Variants in PTPRZ1 observed in about 807,000 individuals in gnomAD.
PTPRZ1 encodes receptor-type tyrosine-protein phosphatase zeta.
PTPRZ1 carries 82 observed loss-of-function variants against 214.1 expected under a neutral mutation model. The observed-to-expected ratio is 0.38, with a 90% confidence interval of 0.32 to 0.46. The LOEUF (loss-of-function observed/expected upper bound fraction) is 0.46. Ranked by LOEUF, PTPRZ1 falls within the 20% of genes least tolerant of loss-of-function variation. The pLI, the probability that PTPRZ1 is intolerant of heterozygous loss-of-function variation, is 1.00. For missense variants in PTPRZ1, 2,603 were observed against 2,748.7 expected (o/e 0.95, Z 1.19); for synonymous variants, 945 against 987.9 (o/e 0.96, Z 0.81).
intron 23 of PTPRZ1, among the ~76,000 whole-genome samples, chr7:122,050,119 C>G (rs1322792474): frequency 6.6e-6 from 1 of 151,966 alleles, no homozygotes; most frequent in Non-Finnish European, 1.5e-5. Flanking sequence ...GAAAGCAAAC[C>G]TTTATAACTA....
chr7:121,964,428 T>C (rs1796978458), intron 2 of PTPRZ1, among the ~76,000 whole-genome samples: 1 of 151,918 alleles, frequency 6.6e-6, no homozygotes, highest in African/African-American at 2.4e-5. Flanking sequence ...AACCAGAAGA[T>C]CTCATGAGAA....
chr7:121,890,869 A>G (rs982636777), intron 1 of PTPRZ1, among the ~76,000 whole-genome samples: 1 of 151,188 alleles, frequency 6.6e-6, no homozygotes, highest in Non-Finnish European at 1.5e-5. Flanking sequence ...GTAGAGACGG[A>G]ATTTATCTAT....
chr7:122,033,906 C>T, intron 15 of PTPRZ1, 189 bp from the exon 16 acceptor site: 6 of 534,856 alleles, frequency 1.1e-5, no homozygotes, highest in East Asian at 3.1e-5. Context: ...TTTAAAGTTC[C>T]AAATTATTAG....
At position 122,011,130 on chromosome 7, in the gene PTPRZ1, C is replaced by T. The variant is rs1464827507; in HGVS notation, c.2084C>T (p.Ala695Val). The change falls in exon 12 of 30, where the codon GCA becomes GTA. Residue 695 changes from alanine to valine, a missense_variant. Ala to Val is a moderately conservative substitution (Grantham distance 64). Around this residue, in one of 6 missense-constraint regions of PTPRZ1, gnomAD observed 1,913 missense variants for 1,914.3 expected, o/e 1.00. Coordinates refer to ENST00000393386, the MANE Select transcript of PTPRZ1 (RefSeq NM_002851.3). ...ESEKTTKSFS[A>V]GPVMSQGPSV... ...GAGAAGACAACCAAGTCCTTTTCTG[C>T]AGGCCCAGTGATGTCACAGGGTCCC... 1.2e-6 allele frequency: 2 copies of T among 1,614,114 alleles called. No individual in the cohort carries two copies. Among genetic ancestry groups the T allele is most frequent in the Non-Finnish European group, 1.7e-6 (2 of 1,180,002 alleles).
intron 8 of PTPRZ1, among the ~76,000 whole-genome samples, chr7:121,994,804 A>C (rs544900629): frequency 6.6e-6 from 1 of 152,238 alleles, no homozygotes; most frequent in East Asian, 1.9e-4. Flanking sequence ...TATACACCTA[A>C]ATTAAAATAT....
intron 13 of PTPRZ1, among the ~76,000 whole-genome samples, chr7:122,025,204 A>T (rs1040727211): frequency 6.6e-6 from 1 of 152,200 alleles, no homozygotes; most frequent in African/African-American, 2.4e-5. Flanking sequence ...ATAATACAAA[A>T]CAATTACACT....
intron 1 of PTPRZ1, among the ~76,000 whole-genome samples, chr7:121,910,436 C>T (rs375856462): frequency 4.6e-5 from 7 of 152,082 alleles, no homozygotes; most frequent in Non-Finnish European, 7.4e-5. Flanking sequence ...ACAAGGACAA[C>T]ATGTTTGTGG....
chr7:121,904,000 A>ACACACACACACACACACAC (rs1554427275), intron 1 of PTPRZ1, among the ~76,000 whole-genome samples: 1 of 151,496 alleles, frequency 6.6e-6, no homozygotes, highest in African/African-American at 2.4e-5. Context: ...ACACACACAC[A>ACACACACACACACACACAC]ATAGTAGGTG....
Position 121,964,140 on chromosome 7 carries a change from A to G in PTPRZ1, c.125-3811A>G, listed in dbSNP as rs1010195334. ...ATTTGATCCTTACGAGCTCAAACTC[A>G]TAAAACAAAAGGCCACCACTTCTTG... is the stretch of plus-strand genomic sequence containing the variant. On this transcript the variant is annotated intron_variant, in intron 2 of 29. Coordinates refer to ENST00000393386, the MANE Select transcript of PTPRZ1 (RefSeq NM_002851.3). Among the ~76,000 whole-genome samples the G allele has an allele frequency of 3.9e-5, 6 of 152,218 alleles. No homozygotes were observed. In the East Asian group the frequency reaches 7.7e-4, roughly 20 times the overall value.
In PTPRZ1 at chr7:121,996,551, T is replaced by C. The variant is rs144723430; in HGVS notation, c.1098T>C (p.Asp366=). ...AAACCAAGCATGAATTTTTGACAGA[T>C]GGCTATCAAGACTTGGTAACTATAT... ...EDQTKHEFLT[D]GYQDLGAILN... Residue 366 remains aspartate (D), a synonymous_variant, in exon 9 of 30, where the codon GAT becomes GAC. Transcript: ENST00000393386. 1.2e-4 allele frequency: 201 copies of C among 1,610,660 alleles called. No individual in the cohort carries two copies. The highest frequency in any genetic ancestry group is 1.6e-4 in the Non-Finnish European group (190 of 1,178,224).
chr7:121,928,193 T>C lies in PTPRZ1; in HGVS notation c.96T>C (p.Leu32=). 2 of 1,612,642 alleles carry C rather than the reference T, an allele frequency of 1.2e-6. No homozygotes were observed. The highest frequency in any genetic ancestry group is 1.7e-6 in the Non-Finnish European group (2 of 1,178,832). The change falls in exon 2 of 30, where the codon CTT becomes CTC. Residue 32 remains leucine (L), a synonymous_variant. Coordinates refer to ENST00000393386, the MANE Select transcript of PTPRZ1 (RefSeq NM_002851.3). ...GATACTACAGACAACAGAGAAAACT[T>C]GTTGAAGAGATTGGCTGGTCCTATA... ...ANGYYRQQRK[L]VEEIGWSYTG... is the part of the protein sequence containing the mutation.
At chr7:121,948,158 C>T (rs1396901283) in intron 2 of PTPRZ1, among the ~76,000 whole-genome samples, 2 of 152,062 alleles carry the variant, frequency 1.3e-5, no homozygotes, top group Non-Finnish European at 1.5e-5. Context: ...TCAATACTAA[C>T]TACAGGGACT....
intron 10 of PTPRZ1, among the ~76,000 whole-genome samples, chr7:122,002,589 T>C (rs2116629915): frequency 6.6e-6 from 1 of 152,102 alleles, no homozygotes; most frequent in East Asian, 1.9e-4. Context: ...CAATACACAC[T>C]AAAAATATTA....
At chr7:121,898,239 T>A (rs536227180) in intron 1 of PTPRZ1, among the ~76,000 whole-genome samples, 5 of 146,808 alleles carry the variant, frequency 3.4e-5, no homozygotes, top group African/African-American at 1.3e-4. Flanking sequence ...AAGATTTCTT[T>A]TAATTGTAGA....
At chr7:122,036,713 A>G (rs745809774) in intron 18 of PTPRZ1, 31 bp downstream of exon 18, 3 of 1,441,260 alleles carry the variant, frequency 2.1e-6, no homozygotes, top group South Asian at 2.3e-5. Context: ...AATTTTATAG[A>G]AATCATATTA....
chr7:122,044,274 T>C (rs1799815070), intron 22 of PTPRZ1, 148 bp from the exon 23 acceptor site: 1 of 829,130 alleles, frequency 1.2e-6, no homozygotes, highest in Non-Finnish European at 1.9e-6. Flanking sequence ...CTGTCTGACT[T>C]CCTTCCAGGT....
At chr7:122,053,889 G>A (rs1005794415) in intron 25 of PTPRZ1, 21 bp from the exon 26 acceptor site, 3 of 1,610,462 alleles carry the variant, frequency 1.9e-6, no homozygotes, top group South Asian at 1.1e-5. Flanking sequence ...TGCTGTTTTT[G>A]TCTTCTCTTT....
chr7:121,875,098 T>C (rs991071169), intron 1 of PTPRZ1, among the ~76,000 whole-genome samples: 3 of 151,666 alleles, frequency 2.0e-5, no homozygotes, highest in Admixed American at 2.0e-4. Context: ...TTTAAAATGG[T>C]CCAGTGGTTT....
At chr7:122,025,339 T>C (rs1453679212) in intron 13 of PTPRZ1, among the ~76,000 whole-genome samples, 3 of 150,208 alleles carry the variant, frequency 2.0e-5, no homozygotes, top group Admixed American at 2.0e-4. Context: ...TCTTTTTTTT[T>C]TTTTTTTGAG....
Sources: gnomAD v4.1 joint callset for allele counts (sites outside exome capture counted in the v4.1 genomes callset) on GRCh38, gnomAD v4.1.1 for gene constraint, gnomAD v4.1.1 regional missense constraint, MANE v1.5 for transcripts, NCBI Gene and HGNC (gene_info 2026-07-23, HGNC 2026-07-21) for gene names.